The following LRP1B variants were observed in gnomAD, a reference collection of about 807,000 sequenced individuals.
LRP1B encodes the protein LDL receptor related protein 1B, also known as low-density lipoprotein receptor-related protein 1B.
LRP1B carries 217 observed loss-of-function variants against 556.6 expected under a neutral mutation model. The observed-to-expected ratio is 0.39, with a 90% CI of 0.35 to 0.44. The LOEUF is 0.44. LRP1B is among the 20% of genes least tolerant of loss of function. The pLI is 1.00. For missense variants in LRP1B, 5,053 were observed against 5,620.8 expected (o/e 0.90, Z 3.23); for synonymous variants, 2,047 against 1,865.8 (o/e 1.10, Z -2.50).
At chr2:141,278,378 A>G (rs1685382216) in intron 3 of LRP1B, among the ~76,000 whole-genome samples, 1 of 152,144 alleles carries the variant, frequency 6.6e-6, no homozygotes. Context: ...GTATATTCCT[A>G]GTATAAATAG....
intron 83 of LRP1B, among the ~76,000 whole-genome samples, chr2:140,309,158 G>T (rs1166556745): frequency 6.6e-6 from 1 of 151,740 alleles, no homozygotes. Flanking sequence ...AATAATTTTA[G>T]CAAGGTGACT....
At chr2:141,715,464 C>T (rs552800704) in intron 2 of LRP1B, among the ~76,000 whole-genome samples, 2 of 152,016 alleles carry the variant, frequency 1.3e-5, no homozygotes, top group South Asian at 4.2e-4. Context: ...GAGCAAGACC[C>T]TATCTCAAAA....
At chr2:140,942,915 C>A (rs530392592) in intron 20 of LRP1B, among the ~76,000 whole-genome samples, 1 of 151,998 alleles carries the variant, frequency 6.6e-6, no homozygotes, top group Non-Finnish European at 1.5e-5. Context: ...CATGATAGAA[C>A]GAAAATCTCT....
intron 1 of LRP1B, among the ~76,000 whole-genome samples, chr2:141,845,937 A>G (rs1697630683): frequency 6.6e-6 from 1 of 151,806 alleles, no homozygotes; most frequent in Non-Finnish European, 1.5e-5. Context: ...GAACAGATTA[A>G]TCTGAAGGAA....
chr2:141,774,870 C>T (rs944457893), intron 2 of LRP1B, among the ~76,000 whole-genome samples: 4 of 152,188 alleles, frequency 2.6e-5, no homozygotes, highest in Non-Finnish European at 4.4e-5. Flanking sequence ...GTTTTAGCTG[C>T]AGCCATGGCG....
At chr2:140,880,464 C>T (rs1361560436) in intron 25 of LRP1B, among the ~76,000 whole-genome samples, 1 of 152,114 alleles carries the variant, frequency 6.6e-6, no homozygotes, top group Non-Finnish European at 1.5e-5. Context: ...AATAGTTTGT[C>T]ACCTGGGAGA....
intron 40 of LRP1B, 75 bp from the exon 41 acceptor site, chr2:140,700,696 A>G: frequency 2.1e-6 from 3 of 1,463,294 alleles, no homozygotes; most frequent in South Asian, 1.3e-5. Flanking sequence ...TTCTCCATAA[A>G]GAAATATTAA....
intron 1 of LRP1B, among the ~76,000 whole-genome samples, chr2:141,826,429 G>T (rs1395770416): frequency 7.1e-6 from 1 of 140,326 alleles, no homozygotes; most frequent in East Asian, 2.1e-4. Flanking sequence ...GCGCCATCTC[G>T]GCTCACTGCA....
chr2:142,011,212 C>A (rs925935307), intron 1 of LRP1B, among the ~76,000 whole-genome samples: 5 of 152,150 alleles, frequency 3.3e-5, no homozygotes, highest in African/African-American at 9.7e-5. Flanking sequence ...AATTTTATAT[C>A]TCTGATATAT....
chr2:140,451,770 AT>A (rs139067622), intron 62 of LRP1B, among the ~76,000 whole-genome samples: 14 of 151,082 alleles, frequency 9.3e-5, no homozygotes, highest in Admixed American at 4.6e-4. Flanking sequence ...AAGGCTCAAC[AT>A]TTTTTTTTGG....
intron 83 of LRP1B, among the ~76,000 whole-genome samples, chr2:140,304,327 C>G (rs1043717450): frequency 6.6e-6 from 1 of 152,066 alleles, no homozygotes; most frequent in South Asian, 2.1e-4. Flanking sequence ...CCTGTTGTTT[C>G]CTGACTTTTT....
intron 17 of LRP1B, among the ~76,000 whole-genome samples, chr2:140,983,494 G>A (rs1354542702): frequency 6.6e-6 from 1 of 152,072 alleles, no homozygotes; most frequent in Non-Finnish European, 1.5e-5. Context: ...GTGGAGCAAA[G>A]CCAACTCAAT....
chr2:141,976,083 ATCTT>A (rs1187926018), intron 1 of LRP1B, among the ~76,000 whole-genome samples: 3 of 151,608 alleles, frequency 2.0e-5, no homozygotes, highest in African/African-American at 7.3e-5. Flanking sequence ...AAATTCTAAA[ATCTT>A]TCATTTATCA....
intron 3 of LRP1B, among the ~76,000 whole-genome samples, chr2:141,318,966 C>G (rs1687128776): frequency 6.6e-6 from 1 of 151,936 alleles, no homozygotes; most frequent in Non-Finnish European, 1.5e-5. Flanking sequence ...CTATAGCCTT[C>G]TTCATAATGC....
chr2:141,546,760 A>G (rs554426781), intron 2 of LRP1B, among the ~76,000 whole-genome samples: 2 of 152,258 alleles, frequency 1.3e-5, no homozygotes, highest in South Asian at 4.2e-4. Flanking sequence ...TCCTCCTTAA[A>G]TCATCTTCAG....
At chr2:140,808,301 C>A (rs1690797340) in intron 32 of LRP1B, among the ~76,000 whole-genome samples, 1 of 150,458 alleles carries the variant, frequency 6.6e-6, no homozygotes, top group African/African-American at 2.4e-5. Context: ...GGAAAATTAA[C>A]CTTATCACCT....
At chr2:140,751,104 T>C (rs995548979) in intron 35 of LRP1B, among the ~76,000 whole-genome samples, 1 of 151,274 alleles carries the variant, frequency 6.6e-6, no homozygotes, top group Non-Finnish European at 1.5e-5. Flanking sequence ...GCGATTCTCC[T>C]GCCTCAGCCT....
At chr2:142,022,517 C>A (rs1222778195) in intron 1 of LRP1B, among the ~76,000 whole-genome samples, 2 of 152,066 alleles carry the variant, frequency 1.3e-5, no homozygotes, top group Non-Finnish European at 2.9e-5. Flanking sequence ...GCATGACATT[C>A]AGTGTATACT....
At chr2:141,825,984 T>G (rs1696906218) in intron 1 of LRP1B, among the ~76,000 whole-genome samples, 1 of 152,144 alleles carries the variant, frequency 6.6e-6, no homozygotes, top group South Asian at 2.1e-4. Flanking sequence ...ATATTAATTT[T>G]AAGTCACATT....
Sources: allele counts gnomAD v4.1 joint callset (sites outside exome capture counted in the v4.1 genomes callset), GRCh38; gene constraint gnomAD v4.1.1; transcripts MANE v1.5; gene names NCBI Gene and HGNC (gene_info 2026-07-23, HGNC 2026-07-21).